UNC13A: variants seen among roughly 807,000 people sequenced by gnomAD.
UNC13A encodes the protein protein unc-13 homolog A.
UNC13A carries 61 observed loss-of-function variants against 219.7 expected under a neutral mutation model. The ratio of observed to expected loss-of-function variants is 0.28; its 90% CI spans 0.23 to 0.34. The LOEUF is 0.34. Among genes scored for constraint, UNC13A ranks in the 10% least tolerant of loss-of-function variants. UNC13A has a pLI of 1.00. For synonymous variants in UNC13A, 920 were observed against 884.6 expected (o/e 1.04, Z -0.71); for missense variants, 1,476 against 2,270.3 (o/e 0.65, Z 7.11).
At chr19:17,617,105 TCA>T (rs1478424343) in intron 41 of UNC13A, among the ~76,000 whole-genome samples, 1 of 152,010 alleles carries the variant, frequency 6.6e-6, no homozygotes, top group Admixed American at 6.5e-5. Flanking sequence ...CCCCATGACA[TCA>T]CAGAGGTCCC....
chr19:17,640,626 G>T lies in UNC13A; in HGVS notation c.2672C>A (p.Pro891Gln). The T allele has an allele frequency of 6.3e-7, 1 of 1,592,516 alleles. No homozygotes were observed. Among genetic ancestry groups the T allele is most frequent in the East Asian group, 2.3e-5 (1 of 44,018 alleles). ...GGTGCTCATGACGGCAGGCACCCCT[G>T]GGCACATATACTTGGAGGAGAGGCA... ...FACLSSKYMC[P>Q]GVPAVMSTLL... The change falls in exon 22 of 44, where the codon CCA becomes CAA. Residue 891 changes from proline (P) to glutamine (Q), a missense_variant. Transcript: ENST00000519716.
chr19:17,648,534 C>G lies in UNC13A; in HGVS notation c.1713G>C (p.Glu571Asp). Residue 571 changes from glutamate (E) to aspartate (D), a missense_variant, in exon 16 of 44, where the codon GAG becomes GAC. By Grantham distance (45) the Glu-to-Asp change is conservative. Transcript: ENST00000519716. ...GCCTCGCGATGCCCCACAGCAGCCCCTCGCACTCGTAGCAGTAGGTGGGCG... is the reference window on the plus strand; with the variant it reads ...GCCTCGCGATGCCCCACAGCAGCCCGTCGCACTCGTAGCAGTAGGTGGGCG... The part of the protein sequence containing the change: ...ATTPTYCYEC[E>D]GLLWGIARQG... The G allele has an allele frequency of 6.2e-7, 1 of 1,614,060 alleles. No individual in the cohort carries two copies. Among genetic ancestry groups the G allele is most frequent in the Non-Finnish European group, 8.5e-7 (1 of 1,180,024 alleles).
At chr19:17,636,433 C>T (rs1181101600) in intron 25 of UNC13A, among the ~76,000 whole-genome samples, 1 of 152,168 alleles carries the variant, frequency 6.6e-6, no homozygotes, top group Non-Finnish European at 1.5e-5. Context: ...CCCAGCTCCA[C>T]TAAACCAAAT....
intron 35 of UNC13A, among the ~76,000 whole-genome samples, chr19:17,624,588 C>T (rs530219094): frequency 7.9e-5 from 12 of 152,304 alleles, no homozygotes; most frequent in African/African-American, 2.6e-4. Context: ...ATACAATGGA[C>T]TCTGAATGAC....
intron 42 of UNC13A, among the ~76,000 whole-genome samples, chr19:17,611,182 A>G (rs571274607): frequency 6.6e-6 from 1 of 152,246 alleles, no homozygotes; most frequent in African/African-American, 2.4e-5. Context: ...AACCAATTCT[A>G]TCATTTTTGT....
At position 17,604,844 on chromosome 19, in the gene UNC13A, T is replaced by A. The variant is rs2076504117; in HGVS notation, c.*1210A>T. ...GCTCTTGGAGACTAAGCTCTCACTG[T>A]GTCACTGTGTTTGTGTTTCTCTCTC... On this transcript the variant is annotated 3_prime_UTR_variant, in exon 44 of 44. Coordinates refer to ENST00000519716, the MANE Select transcript of UNC13A (RefSeq NM_001080421.3). 6.6e-6 allele frequency: 1 copy of A among 152,112 alleles called. No individual in the cohort carries two copies. The highest frequency in any genetic ancestry group is 1.5e-5 in the Non-Finnish European group (1 of 68,056). The allele number at this position is 152,112 out of a possible 1,614,324, so 9.4% of individuals were successfully genotyped here. A position where few individuals can be genotyped will look rare whatever the true frequency, so the allele number is the denominator to read the frequency against.
chr19:17,609,898 C>T, intron 43 of UNC13A, 42 bp downstream of exon 43: 3 of 1,607,042 alleles, frequency 1.9e-6, no homozygotes, highest in Non-Finnish European at 1.7e-6. Context: ...GGCGGATGCC[C>T]CCTCCCTTGC....
chr19:17,633,279 G>T, intron 26 of UNC13A, 86 bp from the exon 27 acceptor site: 1 of 1,286,164 alleles, frequency 7.8e-7, no homozygotes, highest in Non-Finnish European at 1.1e-6. Context: ...CCACAGAGGA[G>T]TGTAGGGTAG....
chr19:17,608,987 C>T (rs1450893389), intron 43 of UNC13A, among the ~76,000 whole-genome samples: 2 of 115,954 alleles, frequency 1.7e-5, no homozygotes, highest in East Asian at 2.7e-4. Flanking sequence ...GGTGGAGTTT[C>T]GCTTTTGTTG....
At chr19:17,618,996 G>A (rs752504573) in intron 38 of UNC13A, 34 bp from the exon 39 acceptor site, 2 of 1,608,590 alleles carry the variant, frequency 1.2e-6, no homozygotes, top group Non-Finnish European at 1.7e-6. Context: ...GGTGAGGGCA[G>A]GGGTGCTACA....
At chr19:17,623,887 G>A (rs941795237) in intron 35 of UNC13A, among the ~76,000 whole-genome samples, 17 of 152,038 alleles carry the variant, frequency 1.1e-4, no homozygotes, top group Non-Finnish European at 7.4e-5. Context: ...CAGATGTTTG[G>A]GTCCCCTTGG....
chr19:17,629,848 C>T (rs1234423827), intron 30 of UNC13A, among the ~76,000 whole-genome samples: 2 of 152,042 alleles, frequency 1.3e-5, no homozygotes, highest in Non-Finnish European at 2.9e-5. Flanking sequence ...TCAACCCACA[C>T]CTCAACTCCA....
At chr19:17,662,562 T>G (rs1043270213) in intron 8 of UNC13A, among the ~76,000 whole-genome samples, 1 of 152,062 alleles carries the variant, frequency 6.6e-6, no homozygotes, top group Non-Finnish European at 1.5e-5. Flanking sequence ...ATAAAAAAAT[T>G]GTCTTCCATG....
At chr19:17,672,881 G>A (rs866057522) in intron 3 of UNC13A, among the ~76,000 whole-genome samples, 1 of 152,030 alleles carries the variant, frequency 6.6e-6, no homozygotes, top group Non-Finnish European at 1.5e-5. Context: ...AAGGACATTC[G>A]GGTCACCTCT....
chr19:17,652,542 C>A, intron 12 of UNC13A, 89 bp downstream of exon 12: 1 of 1,554,910 alleles, frequency 6.4e-7, no homozygotes, highest in East Asian at 2.2e-5. Flanking sequence ...AACCCCTCCT[C>A]CTCCTCTCTG....
chr19:17,683,660 A>AAAACAAACAAACAAAC (rs151027580), intron 1 of UNC13A, among the ~76,000 whole-genome samples: 1 of 151,956 alleles, frequency 6.6e-6, no homozygotes, highest in African/African-American at 2.4e-5. Context: ...CGTGTCTCAA[A>AAAACAAACAAACAAAC]AAACAAACAA....
intron 25 of UNC13A, 37 bp from the exon 26 acceptor site, chr19:17,636,194 C>A: frequency 1.3e-6 from 2 of 1,549,558 alleles, no homozygotes; most frequent in South Asian, 1.2e-5. Context: ...TATAGGGGGT[C>A]CAGAGGTTGG....
chr19:17,668,370 G>A (rs553242111), intron 5 of UNC13A, among the ~76,000 whole-genome samples, 180 bp from the exon 6 acceptor site: 2 of 152,334 alleles, frequency 1.3e-5, no homozygotes, highest in South Asian at 4.1e-4. Context: ...GGGAGGTACC[G>A]TGGTGCCTCT....
intron 8 of UNC13A, among the ~76,000 whole-genome samples, chr19:17,660,751 C>G (rs1475672762): frequency 6.6e-6 from 1 of 151,690 alleles, no homozygotes; most frequent in Non-Finnish European, 1.5e-5. Context: ...AGGCTGGTCT[C>G]GAACTCCTGA....
Sources: gnomAD v4.1 joint callset for allele counts (sites outside exome capture counted in the v4.1 genomes callset) on GRCh38, gnomAD v4.1.1 for gene constraint, MANE v1.5 for transcripts, NCBI Gene and HGNC (gene_info 2026-07-23, HGNC 2026-07-21) for gene names.